The following PANK4 variants were observed in gnomAD, a reference collection of about 807,000 sequenced individuals.
PANK4 encodes the protein pantothenate kinase 4 (inactive).
Under a neutral mutation model 87.9 loss-of-function variants are expected in PANK4, and 40 were observed. The observed-to-expected ratio is 0.46, with a 90% CI of 0.35 to 0.59. The LOEUF (loss-of-function observed/expected upper bound fraction) is 0.59, where lower values mean the gene tolerates loss of function less well. Among genes scored for constraint, PANK4 ranks in the 20% least tolerant of loss-of-function variants. The pLI is 0.00. For synonymous variants in PANK4, 524 were observed against 467.4 expected, an observed-to-expected ratio of 1.12 and a Z score of -1.56; for missense variants, 926 against 1,072.3, an observed-to-expected ratio of 0.86 and a Z score of 1.90.
intron 13 of PANK4, 171 bp downstream of exon 13, chr1:2,512,717 G>C: frequency 3.0e-6 from 2 of 670,102 alleles, no homozygotes; most frequent in Non-Finnish European, 5.2e-6. Context: ...GCCCTGCCCA[G>C]CCCCTGGCGC....
Position 2,508,714 on chromosome 1 carries a change from T to C in PANK4, c.*133A>G. 1 of 630,254 alleles carries C rather than the reference T, an allele frequency of 1.6e-6. No homozygotes were observed. Among genetic ancestry groups the C allele is most frequent in the Non-Finnish European group, 2.9e-6 (1 of 349,366 alleles). 39.0% of individuals were successfully genotyped at this position (630,254 alleles called of 1,614,324 possible). A position where few individuals can be genotyped will look rare whatever the true frequency, so the allele number is the denominator to read the frequency against. On this transcript the variant is annotated 3_prime_UTR_variant, in exon 19 of 19. Coordinates refer to ENST00000378466, the MANE Select transcript of PANK4 (RefSeq NM_018216.4). This position sits in a 1 kb window ranked among gnomAD's most constrained non-coding sequence, Gnocchi z 5.1. ...GTCTCGCCTCTGGGTCACACGCATC[T>C]GTGCGGCTGGGGTGTATGTGCCGCG...
Position 2,522,603 on chromosome 1 carries a change from T to C in PANK4, c.125-803A>G, listed in dbSNP as rs537027753. ...AAGTTAAAAAAAAAAACAGACATTG[T>C]TGAGGCTAGAGTTGTATTCATAGAT... On this transcript the variant is annotated intron_variant, in intron 1 of 18. Transcript: ENST00000378466. Among the ~76,000 whole-genome samples the C allele has an allele frequency of 1.4e-4, 22 of 152,194 alleles. No homozygotes were observed. The South Asian group carries it at 4.6e-3, about 32-fold the overall frequency.
Position 2,508,608 on chromosome 1 carries a change from C to G in PANK4, c.*239G>C, listed in dbSNP as rs547503062. 1 of 223,688 alleles carries G rather than the reference C, an allele frequency of 4.5e-6. No individual in the cohort carries two copies. Among genetic ancestry groups the G allele is most frequent in the Admixed American group, 6.2e-5 (1 of 16,260 alleles). 13.9% of individuals were successfully genotyped at this position (223,688 alleles called of 1,614,324 possible). On this transcript the variant is annotated 3_prime_UTR_variant, in exon 19 of 19. Coordinates refer to ENST00000378466, the MANE Select transcript of PANK4 (RefSeq NM_018216.4). The surrounding 1 kb of genome is among the most constrained non-coding windows in gnomAD (Gnocchi z 5.1). ...GTCAGACATACCTGTATAGATCTCTCTATTTATATATATATATATATAAAA... is the reference window on the plus strand; with the variant it reads ...GTCAGACATACCTGTATAGATCTCTGTATTTATATATATATATATATAAAA...
chr1:2,514,696 C>CCTG (rs1643734927), intron 10 of PANK4, among the ~76,000 whole-genome samples: 1 of 131,744 alleles, frequency 7.6e-6, no homozygotes, highest in South Asian at 2.5e-4. Flanking sequence ...AGGGTCAGGG[C>CCTG]CTGCTGTGGG....
In PANK4 at chr1:2,511,656, C is replaced by A; in HGVS notation, c.1755G>T (p.Gly585=). 6.2e-7 allele frequency: 1 copy of A among 1,610,736 alleles called. No individual in the cohort carries two copies. The highest frequency in any genetic ancestry group is 8.5e-7 in the Non-Finnish European group (1 of 1,177,244). The change falls in exon 14 of 19, where the codon GGG becomes GGT. Residue 585 remains glycine (G), a synonymous_variant. Coordinates refer to ENST00000378466, the MANE Select transcript of PANK4 (RefSeq NM_018216.4). The part of the protein sequence containing the change: ...SAVLESDPYF[G]FEEAKRKLQE... The stretch of plus-strand genomic sequence containing the variant: ...GTAACTTCCTCTTTGCTTCTTCAAA[C>A]CCAAAGTAGGGGTCGGATTCAAGGA...
At chr1:2,512,582 A>G (rs761092033) in intron 13 of PANK4, 159 of 419,736 alleles carry the variant, frequency 3.8e-4, no homozygotes, top group Non-Finnish European at 5.9e-4. Context: ...AGGAAACATG[A>G]ATTTGGATTC....
chr1:2,514,224 T>C, intron 11 of PANK4, 130 bp downstream of exon 11: 1 of 1,110,254 alleles, frequency 9.0e-7, no homozygotes, highest in Non-Finnish European at 1.4e-6. Context: ...CCAAGGGGGC[T>C]GTGCCGCCAG....
chr1:2,516,829 CCTT>C (rs1278252580), intron 9 of PANK4, among the ~76,000 whole-genome samples: 1 of 152,256 alleles, frequency 6.6e-6, no homozygotes, highest in African/African-American at 2.4e-5. Context: ...GTCGCAGGCT[CCTT>C]CTATCCTGAC....
In PANK4 at chr1:2,509,972, T is replaced by C; in HGVS notation, c.2040-42A>G. Reference sequence around the variant, plus strand: ...GGTCAGTGCCCCCAGGAGCTCCCAGTTCAGTGACAATCCCCATGGCCCACT... The same window carrying C: ...GGTCAGTGCCCCCAGGAGCTCCCAGCTCAGTGACAATCCCCATGGCCCACT... On this transcript the variant is annotated intron_variant, in intron 17 of 18. Coordinates refer to ENST00000378466, the MANE Select transcript of PANK4 (RefSeq NM_018216.4). The surrounding 1 kb of genome is among the most constrained non-coding windows in gnomAD (Gnocchi z 4.9). 1 of 1,594,414 alleles carries C rather than the reference T, an allele frequency of 6.3e-7. No individual in the cohort carries two copies. Among genetic ancestry groups the C allele is most frequent in the South Asian group, 1.1e-5 (1 of 89,122 alleles).
chr1:2,516,913 C>T (rs889528845), intron 9 of PANK4, among the ~76,000 whole-genome samples: 2 of 152,234 alleles, frequency 1.3e-5, no homozygotes, highest in African/African-American at 4.8e-5. Flanking sequence ...CATCTCTCTG[C>T]ATGTCAGTTT....
intron 2 of PANK4, 61 bp downstream of exon 2, chr1:2,521,657 C>T: frequency 2.3e-6 from 3 of 1,290,220 alleles, no homozygotes; most frequent in Non-Finnish European, 3.4e-6. Context: ...GAGACAAGTG[C>T]CAGGTCCAAG....
Position 2,509,394 on chromosome 1 carries a change from A to AG in PANK4, c.2109-335dup, listed in dbSNP as rs1201819906. 6.6e-6 allele frequency among the ~76,000 whole-genome samples: 1 copy of AG among 152,204 alleles called. No individual in the cohort carries two copies. The highest frequency in any genetic ancestry group is 1.5e-5 in the Non-Finnish European group (1 of 68,028). On this transcript the variant is annotated intron_variant, in intron 18 of 18. Coordinates refer to ENST00000378466, the MANE Select transcript of PANK4 (RefSeq NM_018216.4). This position sits in a 1 kb window ranked among gnomAD's most constrained non-coding sequence, Gnocchi z 4.9. ...CCAGCACTGGAGAATCCCACCAGGC[A>AG]GAGCAGACCAGCGGCCCCAGCACTC... is the stretch of plus-strand genomic sequence containing the variant.
At chr1:2,512,744 C>T in intron 13 of PANK4, 144 bp downstream of exon 13, 1 of 780,828 alleles carries the variant, frequency 1.3e-6, no homozygotes, top group South Asian at 1.6e-5. Context: ...CATGTGCACT[C>T]CCTGGGCCCC....
intron 2 of PANK4, 186 bp downstream of exon 2, chr1:2,521,532 C>A: frequency 1.4e-6 from 1 of 701,306 alleles, no homozygotes; most frequent in South Asian, 1.6e-5. Flanking sequence ...CACAGGCGGG[C>A]GCAGGTTCCT....
At position 2,520,501 on chromosome 1, in the gene PANK4, G is replaced by A; in HGVS notation, c.607-87C>T. ...CCCCCGCCCCATGTGCTGCGCTGGG[G>A]TGAACCCCGCCCCCACCCCAACCGC... On this transcript the variant is annotated intron_variant, in intron 4 of 18. Transcript: ENST00000378466. This position sits in a 1 kb window ranked among gnomAD's most constrained non-coding sequence, Gnocchi z 6.2. The A allele has an allele frequency of 8.2e-7, 1 of 1,221,306 alleles. No homozygotes were observed. The highest frequency in any genetic ancestry group is 1.2e-6 in the Non-Finnish European group (1 of 862,576). 75.7% of individuals were successfully genotyped at this position (1,221,306 alleles called of 1,614,324 possible). A position where few individuals can be genotyped will look rare whatever the true frequency, so the allele number is the denominator to read the frequency against.
At position 2,520,987 on chromosome 1, in the gene PANK4, C is replaced by A; in HGVS notation, c.423-81G>T. On this transcript the variant is annotated intron_variant, in intron 3 of 18. Coordinates refer to ENST00000378466, the MANE Select transcript of PANK4 (RefSeq NM_018216.4). This position sits in a 1 kb window ranked among gnomAD's most constrained non-coding sequence, Gnocchi z 6.2. ...TGCAAGCCTGCCTGGTCCGAAGGGG[C>A]AGCCATGCCCCATGCGCAATCTGAC... The A allele has an allele frequency of 6.6e-7, 1 of 1,521,868 alleles. No homozygotes were observed. Among genetic ancestry groups the A allele is most frequent in the East Asian group, 2.3e-5 (1 of 44,032 alleles). The allele number at this position is 1,521,868 out of a possible 1,614,324, so 94.3% of individuals were successfully genotyped here. A position where few individuals can be genotyped will look rare whatever the true frequency, so the allele number is the denominator to read the frequency against.
Position 2,520,485 on chromosome 1 carries a change from CATGT to C in PANK4, c.607-75_607-72del. ...ACACAGGCTCCCCCGCCCCCCGCCC[CATGT>C]GCTGCGCTGGGGTGAACCCCGCCCC... On this transcript the variant is annotated intron_variant, in intron 4 of 18. Transcript: ENST00000378466. This position sits in a 1 kb window ranked among gnomAD's most constrained non-coding sequence, Gnocchi z 6.2. The C allele has an allele frequency of 7.5e-7, 1 of 1,328,160 alleles. No individual in the cohort carries two copies. Among genetic ancestry groups the C allele is most frequent in the Admixed American group, 1.8e-5 (1 of 55,196 alleles). The allele number at this position is 1,328,160 out of a possible 1,614,324, so 82.3% of individuals were successfully genotyped here.
In PANK4 at chr1:2,523,442, G is replaced by A; in HGVS notation, c.125-1642C>T. 1.3e-5 allele frequency among the ~76,000 whole-genome samples: 2 copies of A among 152,208 alleles called. 1 individual carries two copies. Among genetic ancestry groups the A allele is most frequent in the Non-Finnish European group, 2.9e-5 (2 of 68,048 alleles). ...AAATAAATCGTTTTCTAAAACGACA[G>A]ATGATGCAAGAGGATGAAGATCTAT... On this transcript the variant is annotated intron_variant, in intron 1 of 18. Transcript: ENST00000378466.
At position 2,515,750 on chromosome 1, in the gene PANK4, C is replaced by T; in HGVS notation, c.1219-33G>A. 1 of 1,602,678 alleles carries T rather than the reference C, an allele frequency of 6.2e-7. No individual in the cohort carries two copies. Among genetic ancestry groups the T allele is most frequent in the Non-Finnish European group, 8.5e-7 (1 of 1,174,052 alleles). On this transcript the variant is annotated intron_variant, in intron 9 of 18. Coordinates refer to ENST00000378466, the MANE Select transcript of PANK4 (RefSeq NM_018216.4). The surrounding 1 kb of genome is among the most constrained non-coding windows in gnomAD (Gnocchi z 5.0). ...ACAGGCAGTGGCAGGGTGGAAACGT[C>T]ACCATGGTTCAGAACGACCCAAGCC...
Sources: gnomAD v4.1 joint callset for allele counts (sites outside exome capture counted in the v4.1 genomes callset) on GRCh38, gnomAD v4.1.1 for gene constraint, Gnocchi (gnomAD v3.1) non-coding constraint, MANE v1.5 for transcripts, NCBI Gene and HGNC (gene_info 2026-07-23, HGNC 2026-07-21) for gene names.